Variants in STAB1 observed in about 807,000 individuals in gnomAD.
STAB1 encodes the protein stabilin 1.
In STAB1, 250 loss-of-function variants were observed where a neutral mutation model predicts 332.4. That is an observed-to-expected ratio of 0.75 (90% CI 0.68 to 0.84). STAB1 has a LOEUF of 0.84. STAB1 is among the 40% of genes least tolerant of loss of function. STAB1 has a pLI of 0.00. For missense variants in STAB1, 3,249 were observed against 3,489.7 expected, an observed-to-expected ratio of 0.93 and a Z score of 1.74; for synonymous variants, 1,475 against 1,390.4, an observed-to-expected ratio of 1.06 and a Z score of -1.35.
At chr3:52,520,747 G>T in intron 54 of STAB1, 49 bp downstream of exon 54, 1 of 1,612,574 alleles carries the variant, frequency 6.2e-7, no homozygotes, top group Non-Finnish European at 8.5e-7. Flanking sequence ...GGCAGGCAGA[G>T]CCCAAGGACC....
At position 52,519,293 on chromosome 3, in the gene STAB1, CGT is replaced by C; in HGVS notation, c.5066_5067del (p.Val1689GlyfsTer6). The C allele has an allele frequency of 6.2e-7, 1 of 1,613,040 alleles. No individual in the cohort carries two copies. On this transcript the variant is annotated frameshift_variant, in exon 49 of 69. Coordinates refer to ENST00000321725, the MANE Select transcript of STAB1 (RefSeq NM_015136.3). LOFTEE classifies it high-confidence loss of function. ...GCATATACCTCAATGACTTCGCGCGCGTGGTGAGCAGCGACCATGAGGCCGTG... is the reference window on the plus strand; with the variant it reads ...GCATATACCTCAATGACTTCGCGCGCGGTGAGCAGCGACCATGAGGCCGTG... ...GSIYLNDFAR[V>X]VSSDHEAVNG...
intron 48 of STAB1, 74 bp from the exon 49 acceptor site, chr3:52,519,190 A>G (rs551894507): frequency 4.0e-5 from 62 of 1,551,592 alleles, no homozygotes; most frequent in African/African-American, 3.4e-4. Flanking sequence ...CCCAGGTTCA[A>G]CCTCCACCTC....
rs753817752 is a variant in STAB1, at chr3:52,522,762, C to T, written c.6745-13C>T. 4 of 1,612,934 alleles carry T rather than the reference C, an allele frequency of 2.5e-6. No homozygotes were observed. Among genetic ancestry groups the T allele is most frequent in the Non-Finnish European group, 3.4e-6 (4 of 1,179,902 alleles). Reference sequence around the variant, plus strand: ...TGGGTCTTGGGTCTTAGTATCCCCTCCTGTTCCTACAGCTGGGCTTCCACC... The same window carrying T: ...TGGGTCTTGGGTCTTAGTATCCCCTTCTGTTCCTACAGCTGGGCTTCCACC... On this transcript the variant is annotated splice_polypyrimidine_tract_variant and intron_variant, in intron 61 of 68. Coordinates refer to ENST00000321725, the MANE Select transcript of STAB1 (RefSeq NM_015136.3).
chr3:52,505,594 TGGCAGGGCCCA>T, intron 14 of STAB1, 63 bp from the exon 15 acceptor site: 1 of 1,462,124 alleles, frequency 6.8e-7, no homozygotes, highest in Non-Finnish European at 9.4e-7. Flanking sequence ...AGGCCAAAGG[TGGCAGGGCCCA>T]GGCAGGACTC....
Position 52,524,482 on chromosome 3 carries a change from G to A in STAB1, c.*126G>A, listed in dbSNP as rs2153234375. The A allele has an allele frequency of 6.2e-7, 1 of 1,612,862 alleles. No individual in the cohort carries two copies. The highest frequency in any genetic ancestry group is 2.2e-5 in the East Asian group (1 of 44,882). ...AATAAAGGTGCCCTCAGCGGATGTG[G>A]GCCATGTCACCAAGGAAGGGGGTCT... On this transcript the variant is annotated 3_prime_UTR_variant, in exon 69 of 69. Transcript: ENST00000321725.
intron 67 of STAB1, 27 bp from the exon 68 acceptor site, chr3:52,524,073 C>T (rs765748582): frequency 5.0e-6 from 8 of 1,612,794 alleles, no homozygotes; most frequent in Non-Finnish European, 6.8e-6. Flanking sequence ...TGAGGCGCCT[C>T]GCCACTCACC....
intron 52 of STAB1, 45 bp from the exon 53 acceptor site, chr3:52,520,355 G>C: frequency 6.2e-7 from 1 of 1,612,698 alleles, no homozygotes; most frequent in South Asian, 1.1e-5. Flanking sequence ...GTAGCAGCTG[G>C]AGTGCACCTG....
At position 52,509,230 on chromosome 3, in the gene STAB1, C is replaced by A. The variant is rs1182518858; in HGVS notation, c.2256C>A (p.Gly752=). The A allele has an allele frequency of 3.7e-6, 6 of 1,613,594 alleles. No homozygotes were observed. Among genetic ancestry groups the A allele is most frequent in the Non-Finnish European group, 5.1e-6 (6 of 1,179,950 alleles). The change falls in exon 22 of 69, where the codon GGC becomes GGA. Residue 752 remains glycine (G), a synonymous_variant. Transcript: ENST00000321725. ...GKGNCSDGIQ[G]NGACLCFPDY... ...TCTAGTGCAGTGATGGGATCCAGGG[C>A]AATGGGGCCTGCCTCTGCTTCCCAG...
chr3:52,522,249 C>T lies in STAB1; in HGVS notation c.6465+19C>T, dbSNP rs748942975. 2.4e-5 allele frequency: 39 copies of T among 1,611,724 alleles called. No individual in the cohort carries two copies. Among genetic ancestry groups the T allele is most frequent in the African/African-American group, 2.1e-4 (16 of 74,900 alleles). Reference sequence around the variant, plus strand: ...CGGCCTGGTGAGCAGGTGGGGGAACCGAGTAGCCAGGGTGGGGAGGCCTGG... The same window carrying T: ...CGGCCTGGTGAGCAGGTGGGGGAACTGAGTAGCCAGGGTGGGGAGGCCTGG... On this transcript the variant is annotated intron_variant, in intron 59 of 68. Transcript: ENST00000321725.
chr3:52,513,356 G>A (rs1045854024), intron 30 of STAB1, 115 bp downstream of exon 30: 48 of 990,602 alleles, frequency 4.8e-5, no homozygotes, highest in Non-Finnish European at 5.8e-5. Context: ...GGGTCCCCTC[G>A]CCCTGCCCAG....
chr3:52,504,612 C>T (rs1708708774), intron 11 of STAB1, 63 bp downstream of exon 11: 3 of 1,611,514 alleles, frequency 1.9e-6, no homozygotes, highest in Non-Finnish European at 2.5e-6. Flanking sequence ...GATGCATCCC[C>T]AGTCTTCAGG....
Position 52,499,619 on chromosome 3 carries a change from G to A in STAB1, c.79-1547G>A, listed in dbSNP as rs531564811. Among the ~76,000 whole-genome samples the A allele has an allele frequency of 1.7e-3, 256 of 152,296 alleles. 2 individuals carry two copies. Among genetic ancestry groups the A allele is most frequent in the Non-Finnish European group, 2.5e-3 (172 of 68,022 alleles). On this transcript the variant is annotated intron_variant, in intron 1 of 68. Coordinates refer to ENST00000321725, the MANE Select transcript of STAB1 (RefSeq NM_015136.3). Reference sequence around the variant, plus strand: ...GGGCCAATTTAAAACAAACTGGCCGGCCGGGCGCGGTGGCTCACGCCTGTA... The same window carrying A: ...GGGCCAATTTAAAACAAACTGGCCGACCGGGCGCGGTGGCTCACGCCTGTA...
rs773671145 is a variant in STAB1, at chr3:52,504,032, G to A, written c.1027G>A (p.Val343Met). ...QVTADGKTSC[V>M]CRESEVGDGR... ...TGGCTCTCCCTGGGAGCCCAGCTGTGTGTGCAGGGAAAGCGAGGTGGGGGA... is the reference window on the plus strand; with the variant it reads ...TGGCTCTCCCTGGGAGCCCAGCTGTATGTGCAGGGAAAGCGAGGTGGGGGA... The change falls in exon 10 of 69, where the codon GTG (valine) becomes ATG (methionine). Residue 343 changes from valine to methionine, a missense_variant. By Grantham distance (21) the Val-to-Met change is conservative. Transcript: ENST00000321725. 1.2e-6 allele frequency: 2 copies of A among 1,603,826 alleles called. No homozygotes were observed. The highest frequency in any genetic ancestry group is 3.4e-5 in the Admixed American group (2 of 58,274).
chr3:52,521,404 G>A lies in STAB1; in HGVS notation c.5952G>A (p.Val1984=). 1 of 1,614,050 alleles carries A rather than the reference G, an allele frequency of 6.2e-7. No individual in the cohort carries two copies. Among genetic ancestry groups the A allele is most frequent in the Admixed American group, 1.7e-5 (1 of 60,034 alleles). The change falls in exon 56 of 69, where the codon GTG becomes GTA. Residue 1984 remains valine, a synonymous_variant. Coordinates refer to ENST00000321725, the MANE Select transcript of STAB1 (RefSeq NM_015136.3). Reference sequence around the variant, plus strand: ...GCAGCCCTTGTAGTGACCGTGGCGTGTGCATGGACGGCATGAGTGGCAGTG... The same window carrying A: ...GCAGCCCTTGTAGTGACCGTGGCGTATGCATGGACGGCATGAGTGGCAGTG... ...GPSSPCSDRG[V]CMDGMSGSGQ...
At chr3:52,499,477 A>G (rs558556204) in intron 1 of STAB1, among the ~76,000 whole-genome samples, 1 of 152,308 alleles carries the variant, frequency 6.6e-6, no homozygotes, top group African/African-American at 2.4e-5. Flanking sequence ...AGCCCTCTCA[A>G]ATATCTCCCA....
intron 50 of STAB1, 30 bp from the exon 51 acceptor site, chr3:52,519,914 G>C: frequency 6.5e-7 from 1 of 1,542,946 alleles, no homozygotes; most frequent in South Asian, 1.2e-5. Context: ...ACTGGGCAGC[G>C]ACTGCCACAT....
rs1489414790 is a variant in STAB1, at chr3:52,502,642, T to G, written c.498T>G (p.Cys166Trp). ...GTGTGTCCCTCCCAGTGTGCAGCTG[T>G]GTGCACGGAGTGTGCAACCATGGGC... ...FGPDCQSVCS[C>W]VHGVCNHGPR... is the part of the protein sequence containing the mutation. The change falls in exon 6 of 69, where the codon TGT becomes TGG. Residue 166 changes from cysteine to tryptophan, a missense_variant. Coordinates refer to ENST00000321725, the MANE Select transcript of STAB1 (RefSeq NM_015136.3). The G allele has an allele frequency of 6.2e-7, 1 of 1,612,196 alleles. No individual in the cohort carries two copies.
rs1238265258 is a variant in STAB1 at position 52,508,113 on chromosome 3, C to T, written c.2148+87C>T. 5.6e-6 allele frequency: 8 copies of T among 1,428,336 alleles called. No individual in the cohort carries two copies. In the African/African-American group the frequency reaches 8.5e-5, roughly 15 times the overall value. The allele number at this position is 1,428,336 out of a possible 1,614,324, so 88.5% of individuals were successfully genotyped here. On this transcript the variant is annotated intron_variant, in intron 20 of 68. Coordinates refer to ENST00000321725, the MANE Select transcript of STAB1 (RefSeq NM_015136.3). Reference sequence around the variant, plus strand: ...CCCCAAGCTGGGGCTGAGTGGGCTCCCTCCCTCAGAGGATGCACTGCAGCC... The same window carrying T: ...CCCCAAGCTGGGGCTGAGTGGGCTCTCTCCCTCAGAGGATGCACTGCAGCC...
intron 1 of STAB1, among the ~76,000 whole-genome samples, chr3:52,500,794 G>A (rs1159226133): frequency 6.6e-6 from 1 of 152,256 alleles, no homozygotes; most frequent in Non-Finnish European, 1.5e-5. Flanking sequence ...TAGCGGCCAT[G>A]TCCTGGGCTT....
Sources: allele counts gnomAD v4.1 joint callset (sites outside exome capture counted in the v4.1 genomes callset), GRCh38; gene constraint gnomAD v4.1.1; transcripts MANE v1.5; gene names NCBI Gene and HGNC (gene_info 2026-07-23, HGNC 2026-07-21).